The following KAZN variants were observed in gnomAD, a reference collection of about 807,000 sequenced individuals.
KAZN encodes the protein kazrin.
A neutral mutation model predicts 87.4 loss-of-function variants in KAZN; 40 were observed. The observed-to-expected ratio is 0.46, with a 90% confidence interval of 0.36 to 0.60. The LOEUF (loss-of-function observed/expected upper bound fraction) is 0.60. Ranked by LOEUF, KAZN falls within the 20% of genes least tolerant of loss-of-function variation. The pLI is 0.00. For missense variants in KAZN, 898 were observed against 1,073.9 expected (o/e 0.84, Z 2.29); for synonymous variants, 466 against 458.3 (o/e 1.02, Z -0.22).
intron 1 of KAZN, among the ~76,000 whole-genome samples, chr1:14,087,730 G>A (rs563047682): frequency 8.6e-4 from 130 of 151,956 alleles, no homozygotes; most frequent in African/African-American, 3.1e-3. Context: ...TTCTGTTTTA[G>A]TATGTTAATG....
intron 4 of KAZN, among the ~76,000 whole-genome samples, chr1:15,049,370 A>G (rs1224200243): frequency 1.3e-5 from 2 of 152,200 alleles, no homozygotes; most frequent in Admixed American, 1.3e-4. Flanking sequence ...AAACAAGGGC[A>G]CCATAGACGT....
In KAZN at chr1:15,081,146, G is replaced by A. The variant is rs6667013; in HGVS notation, c.1223-13034G>A. Among the ~76,000 whole-genome samples, 1,231 of 152,292 alleles carry A rather than the reference G, an allele frequency of 8.1e-3. 11 individuals are homozygous for A. Among genetic ancestry groups the A allele is most frequent in the African/African-American group, 0.028 (1,177 of 41,560 alleles). On this transcript the variant is annotated intron_variant, in intron 8 of 14. Transcript: ENST00000376030. The surrounding 1 kb of genome is among the most constrained non-coding windows in gnomAD (Gnocchi z 4.1). Reference sequence around the variant, plus strand: ...GAAGGCCTGCTCCCTCCCTCCCTCCGTTCCTCCCTTCCTGCCTTCTTTTAC... The same window carrying A: ...GAAGGCCTGCTCCCTCCCTCCCTCCATTCCTCCCTTCCTGCCTTCTTTTAC...
chr1:14,550,421 G>A (rs924023887), intron 2 of KAZN, among the ~76,000 whole-genome samples: 1 of 152,190 alleles, frequency 6.6e-6, no homozygotes, highest in Admixed American at 6.5e-5. Context: ...TGGGTGAAAA[G>A]GTTCCAGGTG....
At chr1:14,882,385 G>A (rs1653436063) in intron 1 of KAZN, among the ~76,000 whole-genome samples, 1 of 152,222 alleles carries the variant, frequency 6.6e-6, no homozygotes, top group Non-Finnish European at 1.5e-5. Context: ...ACTCTTCCAT[G>A]TGTTAGCTTC....
intron 1 of KAZN, among the ~76,000 whole-genome samples, chr1:13,935,185 C>T (rs562668509): frequency 1.3e-5 from 2 of 151,646 alleles, no homozygotes; most frequent in Non-Finnish European, 2.9e-5. Context: ...TACAGTGAGC[C>T]GAGATGGCGC....
At chr1:13,976,669 A>G (rs1638374751) in intron 1 of KAZN, among the ~76,000 whole-genome samples, 1 of 152,142 alleles carries the variant, frequency 6.6e-6, no homozygotes, top group Admixed American at 6.6e-5. Flanking sequence ...ATGAATATAA[A>G]TGCATTTGTT....
At chr1:14,124,289 G>C (rs1383549782) in intron 1 of KAZN, 2 of 152,176 alleles carry the variant, frequency 1.3e-5, no homozygotes, top group African/African-American at 4.8e-5. Flanking sequence ...GGCTGTGCTA[G>C]TCTTCTCTGT....
At chr1:14,666,767 C>T (rs890852746) in intron 1 of KAZN, among the ~76,000 whole-genome samples, 1 of 152,144 alleles carries the variant, frequency 6.6e-6, no homozygotes, top group African/African-American at 2.4e-5. Flanking sequence ...GAGACAGAGT[C>T]TCACTCTGTC....
chr1:14,638,501 G>A (rs1029016075), intron 1 of KAZN, among the ~76,000 whole-genome samples: 1 of 151,132 alleles, frequency 6.6e-6, no homozygotes, highest in Non-Finnish European at 1.5e-5. Flanking sequence ...CCTGGGAGGC[G>A]GAGGTTGCAG....
rs115906145 is a variant in KAZN, at chr1:14,914,265, T to A, written c.227-46419T>A. On this transcript the variant is annotated intron_variant, in intron 1 of 14. Transcript: ENST00000376030. ...GAGAACCGCTGCCCTAGGGCTTACC[T>A]GATTAGTCCCCCTGGCCCTTGATTT... Among the ~76,000 whole-genome samples, 247 of 152,346 alleles carry A rather than the reference T, an allele frequency of 1.6e-3. 1 individual carries two copies. Among genetic ancestry groups the A allele is most frequent in the African/African-American group, 5.7e-3 (236 of 41,580 alleles).
At chr1:14,513,868 A>G (rs1490844075) in intron 2 of KAZN, among the ~76,000 whole-genome samples, 1 of 152,136 alleles carries the variant, frequency 6.6e-6, no homozygotes, top group Non-Finnish European at 1.5e-5. Flanking sequence ...AGGTTGCTAC[A>G]ATTAGAAGAT....
At chr1:14,075,400 G>T (rs1487538353) in intron 1 of KAZN, among the ~76,000 whole-genome samples, 5 of 152,140 alleles carry the variant, frequency 3.3e-5, no homozygotes, top group Admixed American at 2.0e-4. Context: ...TTTGTCGCAA[G>T]AGAAGAGAAA....
At position 14,929,721 on chromosome 1, in the gene KAZN, G is replaced by A. The variant is rs1487268467; in HGVS notation, c.227-30963G>A. Reference sequence around the variant, plus strand: ...AGACAGGCATGGTTATAAGGGGTGTGCGGGCGTGGAGTTATTTTAATGGAT... The same window carrying A: ...AGACAGGCATGGTTATAAGGGGTGTACGGGCGTGGAGTTATTTTAATGGAT... On this transcript the variant is annotated intron_variant, in intron 1 of 14. Transcript: ENST00000376030. 5 of 951,528 alleles carry A rather than the reference G, an allele frequency of 5.3e-6. No individual in the cohort carries two copies. In the Admixed American group the frequency reaches 3.1e-4, roughly 59 times the overall value. 58.9% of individuals were successfully genotyped at this position (951,528 alleles called of 1,614,324 possible).
chr1:14,855,196 A>C (rs898152289), intron 1 of KAZN, among the ~76,000 whole-genome samples: 3 of 152,148 alleles, frequency 2.0e-5, no homozygotes, highest in Non-Finnish European at 2.9e-5. Flanking sequence ...GGACTTTAAG[A>C]CTACAGTGCA....
At chr1:14,760,351 G>T (rs925392971) in intron 1 of KAZN, among the ~76,000 whole-genome samples, 1 of 152,176 alleles carries the variant, frequency 6.6e-6, no homozygotes, top group Admixed American at 6.5e-5. Flanking sequence ...ACTTCAATGT[G>T]CCAGGCGTGG....
chr1:14,206,552 T>C (rs1646748733), intron 2 of KAZN, among the ~76,000 whole-genome samples: 1 of 152,140 alleles, frequency 6.6e-6, no homozygotes, highest in Non-Finnish European at 1.5e-5. Context: ...CATCATCCTC[T>C]TAATCTTACC....
chr1:14,101,745 G>A (rs575244330), intron 1 of KAZN, among the ~76,000 whole-genome samples: 12 of 152,210 alleles, frequency 7.9e-5, no homozygotes, highest in South Asian at 2.1e-4. Context: ...AATTGTCAGC[G>A]TGGAAGTAAG....
At chr1:14,025,866 C>T (rs1641048835) in intron 1 of KAZN, among the ~76,000 whole-genome samples, 1 of 152,084 alleles carries the variant, frequency 6.6e-6, no homozygotes, top group South Asian at 2.1e-4. Flanking sequence ...GCTTGTCTTT[C>T]AAAATTAAAA....
intron 1 of KAZN, among the ~76,000 whole-genome samples, chr1:14,745,751 C>T (rs994063031): frequency 1.3e-5 from 2 of 152,108 alleles, no homozygotes; most frequent in African/African-American, 2.4e-5. Context: ...CTGATCCATC[C>T]GGAGCTTCGT....
Sources: allele counts gnomAD v4.1 joint callset (sites outside exome capture counted in the v4.1 genomes callset), GRCh38; gene constraint gnomAD v4.1.1; non-coding constraint Gnocchi (gnomAD v3.1); transcripts MANE v1.5; gene names NCBI Gene and HGNC (gene_info 2026-07-23, HGNC 2026-07-21).